The following DLGAP2 variants were observed in gnomAD, a reference collection of about 807,000 sequenced individuals.
The protein encoded by DLGAP2 is disks large-associated protein 2.
In DLGAP2, 26 loss-of-function variants were observed where a neutral mutation model predicts 100.3. The ratio of observed to expected loss-of-function variants is 0.26; its 90% CI spans 0.19 to 0.36. The LOEUF (loss-of-function observed/expected upper bound fraction) is 0.36, where lower values mean the gene tolerates loss of function less well. DLGAP2 is among the 10% of genes least tolerant of loss of function. The probability of loss-of-function intolerance (pLI) is 1.00; values close to 1 mark genes in which losing one functional copy is unlikely to be tolerated. For synonymous variants in DLGAP2, 886 were observed against 630.1 expected (o/e 1.41, Z -6.08); for missense variants, 1,858 against 1,453.2 (o/e 1.28, Z -4.53).
At chr8:845,348 G>T (rs1797054129) in intron 1 of DLGAP2, among the ~76,000 whole-genome samples, 1 of 152,174 alleles carries the variant, frequency 6.6e-6, no homozygotes, top group African/African-American at 2.4e-5. Flanking sequence ...GTGGTGTGAA[G>T]GGTATGGTAT....
rs145911328 is a variant in DLGAP2 at position 1,327,712 on chromosome 8, C to T, written c.106+68829C>T. Among the ~76,000 whole-genome samples the T allele has an allele frequency of 5.2e-3, 788 of 152,056 alleles. 43 individuals are homozygous for T. The East Asian group carries it at 0.13, about 25-fold the overall frequency. ...ACAAAAAACTATCCGGGCGTCGTGG[C>T]GGGCGCCTGTAGTCCCAGCTACTCA... is the stretch of plus-strand genomic sequence containing the variant. On this transcript the variant is annotated intron_variant, in intron 3 of 14. Coordinates refer to ENST00000637795, the MANE Select transcript of DLGAP2 (RefSeq NM_001346810.2).
intron 2 of DLGAP2, among the ~76,000 whole-genome samples, chr8:1,190,144 T>G (rs969036367): frequency 6.6e-6 from 1 of 152,092 alleles, no homozygotes; most frequent in Non-Finnish European, 1.5e-5. Flanking sequence ...AGGGCCTGAG[T>G]TGAGTTATGG....
intron 6 of DLGAP2, among the ~76,000 whole-genome samples, chr8:1,620,942 T>C (rs1443490015): frequency 6.6e-6 from 1 of 152,186 alleles, no homozygotes; most frequent in Admixed American, 6.5e-5. Context: ...TTTCCCCCTT[T>C]ACCCTCTGCT....
chr8:1,034,008 C>T (rs866014992), intron 2 of DLGAP2, among the ~76,000 whole-genome samples: 2 of 135,634 alleles, frequency 1.5e-5, no homozygotes, highest in African/African-American at 5.8e-5. Context: ...CCCGACCCCG[C>T]GTGTCACCGC....
intron 4 of DLGAP2, among the ~76,000 whole-genome samples, chr8:1,529,862 A>G (rs1209362970): frequency 3.9e-5 from 6 of 152,338 alleles, no homozygotes; most frequent in African/African-American, 7.2e-5. Context: ...GGTACGTTCC[A>G]TGATGCCCCA....
intron 12 of DLGAP2, chr8:1,680,587 T>G (rs1190805207): frequency 2.0e-5 from 3 of 152,258 alleles, no homozygotes; most frequent in African/African-American, 7.2e-5. Context: ...AGATGCTGCC[T>G]TCCACGTGAC....
At chr8:1,598,743 ATTGT>A (rs1003441154) in intron 6 of DLGAP2, among the ~76,000 whole-genome samples, 3 of 151,414 alleles carry the variant, frequency 2.0e-5, no homozygotes, top group Admixed American at 6.6e-5. Flanking sequence ...TGTCTATTTG[ATTGT>A]TCTCTGTTTT....
At chr8:760,085 C>T (rs558973569) in intron 1 of DLGAP2, among the ~76,000 whole-genome samples, 1 of 152,318 alleles carries the variant, frequency 6.6e-6, no homozygotes, top group East Asian at 1.9e-4. Flanking sequence ...CTGACATTTT[C>T]CCTGCAGAGC....
chr8:1,471,901 C>G (rs965808048), intron 3 of DLGAP2, among the ~76,000 whole-genome samples: 1 of 152,216 alleles, frequency 6.6e-6, no homozygotes, highest in Admixed American at 6.5e-5. Context: ...GGCCTGCGGT[C>G]CGTAAACGGT....
chr8:1,325,101 C>T (rs1210674150), intron 3 of DLGAP2, among the ~76,000 whole-genome samples: 5 of 152,226 alleles, frequency 3.3e-5, no homozygotes, highest in African/African-American at 9.6e-5. Flanking sequence ...ACCCAACACT[C>T]ACCTTCTTGT....
chr8:1,256,373 T>C (rs954135625), intron 2 of DLGAP2, among the ~76,000 whole-genome samples: 4,705 of 115,976 alleles, frequency 0.041, 380 homozygotes, highest in African/African-American at 0.15. Flanking sequence ...TGTGTGTGTG[T>C]CCTCTCATCC....
chr8:1,037,261 C>G (rs531956095), intron 2 of DLGAP2, among the ~76,000 whole-genome samples: 1 of 152,180 alleles, frequency 6.6e-6, no homozygotes. Context: ...GGGCCTTTCT[C>G]TCTCTGTTAT....
intron 2 of DLGAP2, among the ~76,000 whole-genome samples, chr8:1,156,073 A>G (rs1404676441): frequency 6.6e-6 from 1 of 152,128 alleles, no homozygotes; most frequent in African/African-American, 2.4e-5. Context: ...CCCGCCATTA[A>G]GCAAGGAAAG....
At chr8:1,578,514 C>A (rs886090145) in intron 6 of DLGAP2, among the ~76,000 whole-genome samples, 1 of 152,104 alleles carries the variant, frequency 6.6e-6, no homozygotes, top group Non-Finnish European at 1.5e-5. Context: ...CTGTTATCAG[C>A]CCTCCTTCTA....
intron 10 of DLGAP2, among the ~76,000 whole-genome samples, chr8:1,671,737 A>G (rs575986252): frequency 1.2e-4 from 18 of 152,374 alleles, no homozygotes; most frequent in African/African-American, 4.3e-4. Flanking sequence ...GCCAGCGGCA[A>G]GTCCCCTGTT....
At chr8:830,568 A>G (rs2132700587) in intron 1 of DLGAP2, among the ~76,000 whole-genome samples, 1 of 152,302 alleles carries the variant, frequency 6.6e-6, no homozygotes, top group African/African-American at 2.4e-5. Flanking sequence ...TTGGCAGATC[A>G]TACGTAATTT....
At chr8:817,811 A>T (rs1796511149) in intron 1 of DLGAP2, among the ~76,000 whole-genome samples, 1 of 152,062 alleles carries the variant, frequency 6.6e-6, no homozygotes, top group African/African-American at 2.4e-5. Flanking sequence ...CTGTGATGTG[A>T]TTTTTGTCTT....
In DLGAP2 at chr8:809,932, C is replaced by T. The variant is rs1436687410; in HGVS notation, c.18+72107C>T. Among the ~76,000 whole-genome samples, 11 of 152,230 alleles carry T rather than the reference C, an allele frequency of 7.2e-5. 1 individual carries two copies. The highest frequency in any genetic ancestry group is 7.2e-4 in the Admixed American group (11 of 15,280). On this transcript the variant is annotated intron_variant, in intron 1 of 14. Coordinates refer to ENST00000637795, the MANE Select transcript of DLGAP2 (RefSeq NM_001346810.2). ...ATGGTGTGCTCTGGTGCTAATTTCT[C>T]TTTGGTTGGCGATGTCTTGGAGAAA...
chr8:1,291,609 C>G (rs1168258543), intron 3 of DLGAP2, among the ~76,000 whole-genome samples: 1 of 152,158 alleles, frequency 6.6e-6, no homozygotes, highest in African/African-American at 2.4e-5. Context: ...CTTAGCATAT[C>G]TCCTATCTTT....
Sources: allele counts gnomAD v4.1 joint callset (sites outside exome capture counted in the v4.1 genomes callset), GRCh38; gene constraint gnomAD v4.1.1; transcripts MANE v1.5; gene names NCBI Gene and HGNC (gene_info 2026-07-23, HGNC 2026-07-21).